Variants in TRAF3 observed in about 807,000 individuals in gnomAD.
TRAF3 encodes the protein TNF receptor associated factor 3.
Under a neutral mutation model 62.3 loss-of-function variants are expected in TRAF3, and 13 were observed. The observed-to-expected ratio is 0.21, with a 90% CI of 0.14 to 0.33. The LOEUF (loss-of-function observed/expected upper bound fraction) is 0.33. Among genes scored for constraint, TRAF3 ranks in the 10% least tolerant of loss-of-function variants. The probability of loss-of-function intolerance (pLI) is 1.00; values close to 1 mark genes in which losing one functional copy is unlikely to be tolerated. For missense variants in TRAF3, 440 were observed against 741.8 expected (o/e 0.59, Z 4.73); for synonymous variants, 269 against 283.4 (o/e 0.95, Z 0.51).
chr14:102,870,606 C>G (rs546619912), intron 3 of TRAF3, among the ~76,000 whole-genome samples, 160 bp downstream of exon 3: 11 of 152,220 alleles, frequency 7.2e-5, no homozygotes, highest in Non-Finnish European at 1.3e-4. Flanking sequence ...TAGGGAGGTG[C>G]AGTGGGATCC....
At chr14:102,794,687 T>C (rs144864171) in intron 1 of TRAF3, among the ~76,000 whole-genome samples, 1 of 152,352 alleles carries the variant, frequency 6.6e-6, no homozygotes, top group East Asian at 1.9e-4. Context: ...CTCAGTAATA[T>C]ATGTTAGATA....
Position 102,870,302 on chromosome 14 carries a change from C to T in TRAF3, c.101C>T (p.Pro34Leu). The change falls in exon 3 of 12, where the codon CCT becomes CTT. Residue 34 changes from proline to leucine, a missense_variant. Physicochemically the swap from Pro to Leu is moderately conservative, Grantham distance 98. Around this residue, in one of 6 missense-constraint regions of TRAF3, gnomAD observed 255 missense variants for 424.1 expected, o/e 0.60. Coordinates refer to ENST00000392745, the MANE Select transcript of TRAF3 (RefSeq NM_145725.3). ...AGTGCTGGGACGCCAGTTTTTGTCCCTGAACAAGGAGGTTACAAGGAAAAG... is the reference window on the plus strand; with the variant it reads ...AGTGCTGGGACGCCAGTTTTTGTCCTTGAACAAGGAGGTTACAAGGAAAAG... ...DRSAGTPVFV[P>L]EQGGYKEKFV... 6.2e-7 allele frequency: 1 copy of T among 1,614,188 alleles called. No individual in the cohort carries two copies. Among genetic ancestry groups the T allele is most frequent in the East Asian group, 2.2e-5 (1 of 44,876 alleles).
chr14:102,858,309 G>A (rs1010752692), intron 2 of TRAF3, among the ~76,000 whole-genome samples: 13 of 151,972 alleles, frequency 8.6e-5, no homozygotes, highest in East Asian at 5.8e-4. Flanking sequence ...GCACCACCAC[G>A]CCCAGCTAAT....
rs968936796 is a variant in TRAF3 at position 102,903,993 on chromosome 14, G to A, written c.1135+564G>A. On this transcript the variant is annotated intron_variant, in intron 11 of 11. Coordinates refer to ENST00000392745, the MANE Select transcript of TRAF3 (RefSeq NM_145725.3). The surrounding 1 kb of genome is among the most constrained non-coding windows in gnomAD (Gnocchi z 6.4). ...GAAGCAGGCAGAGAATGAGGTTGGAGGAGAGGGGAGCAGCTTCGCCTCCAA... is the reference window on the plus strand; with the variant it reads ...GAAGCAGGCAGAGAATGAGGTTGGAAGAGAGGGGAGCAGCTTCGCCTCCAA... The A allele has an allele frequency of 5.5e-6, 2 of 362,268 alleles. No individual in the cohort carries two copies. Among genetic ancestry groups the A allele is most frequent in the Non-Finnish European group, 1.1e-5 (2 of 182,142 alleles). 22.4% of individuals were successfully genotyped at this position (362,268 alleles called of 1,614,324 possible).
intron 2 of TRAF3, among the ~76,000 whole-genome samples, chr14:102,859,758 T>A (rs1255524860): frequency 6.6e-6 from 1 of 152,300 alleles, no homozygotes; most frequent in South Asian, 2.1e-4. Flanking sequence ...ACAACACATA[T>A]AAATACACAG....
At chr14:102,778,201 T>G (rs936742216) in intron 1 of TRAF3, among the ~76,000 whole-genome samples, 1 of 150,078 alleles carries the variant, frequency 6.7e-6, no homozygotes, top group Non-Finnish European at 1.5e-5. Flanking sequence ...GGGGTCCGGG[T>G]ATGGGCAGAG....
At chr14:102,856,388 G>A (rs1351973849) in intron 2 of TRAF3, among the ~76,000 whole-genome samples, 1 of 152,142 alleles carries the variant, frequency 6.6e-6, no homozygotes, top group Non-Finnish European at 1.5e-5. Flanking sequence ...GACCATACAG[G>A]GCAACTTCCT....
chr14:102,873,441 C>T (rs1445789648), intron 4 of TRAF3, among the ~76,000 whole-genome samples: 1 of 152,200 alleles, frequency 6.6e-6, no homozygotes, highest in South Asian at 2.1e-4. Context: ...AAGCTCGCGA[C>T]GATGGCTGAG....
chr14:102,868,269 C>T (rs189385924), intron 2 of TRAF3, among the ~76,000 whole-genome samples: 74 of 152,296 alleles, frequency 4.9e-4, no homozygotes, highest in African/African-American at 1.8e-3. Context: ...GTGGGAAACT[C>T]TACACAAGAA....
At chr14:102,834,916 A>G (rs903124321) in intron 2 of TRAF3, among the ~76,000 whole-genome samples, 3 of 152,226 alleles carry the variant, frequency 2.0e-5, no homozygotes, top group Non-Finnish European at 4.4e-5. Context: ...AATTAAACTT[A>G]AGAGCTTCTA....
At chr14:102,882,813 T>C (rs1253024652) in intron 6 of TRAF3, among the ~76,000 whole-genome samples, 2 of 152,236 alleles carry the variant, frequency 1.3e-5, no homozygotes, top group African/African-American at 4.8e-5. Flanking sequence ...TAAACTGTGG[T>C]GTAGACAGTA....
rs1278668795 is a variant in TRAF3 at position 102,815,867 on chromosome 14, T to C, written c.-156-14467T>C. On this transcript the variant is annotated intron_variant, in intron 1 of 11. Coordinates refer to ENST00000392745, the MANE Select transcript of TRAF3 (RefSeq NM_145725.3). ...TTTATAAAACCATCAGATCTGGTGA[T>C]AATTCACTCACTGTCATGAGAACAG... Among the ~76,000 whole-genome samples the C allele has an allele frequency of 2.0e-5, 3 of 152,228 alleles. No individual in the cohort carries two copies. In the East Asian group the frequency reaches 5.8e-4, roughly 29 times the overall value.
rs947541564 is a variant in TRAF3, at chr14:102,826,461, G to A, written c.-156-3873G>A. On this transcript the variant is annotated intron_variant, in intron 1 of 11. Coordinates refer to ENST00000392745, the MANE Select transcript of TRAF3 (RefSeq NM_145725.3). This position sits in a 1 kb window ranked among gnomAD's most constrained non-coding sequence, Gnocchi z 4.6. The stretch of plus-strand genomic sequence containing the variant: ...GACAGCATGGGAGCTGCTGGAGGTC[G>A]GGGGAGCTCAGGGAAAGGGCCTTGC... Among the ~76,000 whole-genome samples the A allele has an allele frequency of 2.0e-5, 3 of 152,308 alleles. No individual in the cohort carries two copies. The highest frequency in any genetic ancestry group is 2.1e-4 in the South Asian group (1 of 4,822).
chr14:102,901,159 C>A (rs1395277402), intron 10 of TRAF3, among the ~76,000 whole-genome samples: 1 of 152,120 alleles, frequency 6.6e-6, no homozygotes, highest in Non-Finnish European at 1.5e-5. Flanking sequence ...ACTCGGGGGC[C>A]CCTGCTGTGT....
intron 1 of TRAF3, among the ~76,000 whole-genome samples, chr14:102,806,722 G>C (rs1898794522): frequency 6.6e-6 from 1 of 152,158 alleles, no homozygotes; most frequent in Non-Finnish European, 1.5e-5. Context: ...GATTCCAGAA[G>C]AATAGAGGGG....
chr14:102,866,958 A>G (rs997727226), intron 2 of TRAF3, among the ~76,000 whole-genome samples: 5 of 152,154 alleles, frequency 3.3e-5, no homozygotes, highest in Admixed American at 3.3e-4. Flanking sequence ...CTCTCAGCAT[A>G]TGAAAAGATG....
chr14:102,808,462 G>A (rs1381175841), intron 1 of TRAF3, among the ~76,000 whole-genome samples: 2 of 150,862 alleles, frequency 1.3e-5, no homozygotes, highest in Non-Finnish European at 2.9e-5. Flanking sequence ...GAAGTGAGCC[G>A]AGATTGTGCC....
intron 1 of TRAF3, among the ~76,000 whole-genome samples, chr14:102,820,131 G>T (rs1899801892): frequency 6.6e-6 from 1 of 152,144 alleles, no homozygotes; most frequent in African/African-American, 2.4e-5. Flanking sequence ...CCTTTCCTTT[G>T]CGAGCGTCCT....
In TRAF3 at chr14:102,903,066, C is replaced by T. The variant is rs1242453553; in HGVS notation, c.961-189C>T. The T allele has an allele frequency of 1.3e-6, 1 of 756,378 alleles. No homozygotes were observed. The highest frequency in any genetic ancestry group is 2.3e-6 in the Non-Finnish European group (1 of 436,554). The allele number at this position is 756,378 out of a possible 1,614,324, so 46.9% of individuals were successfully genotyped here. ...CGAGTGCTCCCTGCCGGCACAAGCA[C>T]TTGATCCCAGGGAGCTCCCAGGAGG... On this transcript the variant is annotated intron_variant, in intron 10 of 11. Coordinates refer to ENST00000392745, the MANE Select transcript of TRAF3 (RefSeq NM_145725.3). The surrounding 1 kb of genome is among the most constrained non-coding windows in gnomAD (Gnocchi z 6.4).
Sources: allele counts gnomAD v4.1 joint callset (sites outside exome capture counted in the v4.1 genomes callset), GRCh38; gene constraint gnomAD v4.1.1; regional missense constraint gnomAD v4.1.1; non-coding constraint Gnocchi (gnomAD v3.1); transcripts MANE v1.5; gene names NCBI Gene and HGNC (gene_info 2026-07-23, HGNC 2026-07-21).